The following FGF3 variants were observed in gnomAD, a reference collection of about 807,000 sequenced individuals.
FGF3 encodes FGF-3.
FGF3 carries 7 observed loss-of-function variants against 9.8 expected under a neutral mutation model. That is an observed-to-expected ratio of 0.72 (90% CI 0.41 to 1.35). The LOEUF (loss-of-function observed/expected upper bound fraction) is 1.35, where lower values mean the gene tolerates loss of function less well. Ranked by LOEUF, FGF3 falls within the 40% of genes most tolerant of loss-of-function variation. FGF3 has a pLI of 0.01. For synonymous variants in FGF3, 173 were observed against 157.2 expected (o/e 1.10, Z -0.75); for missense variants, 390 against 345.6 (o/e 1.13, Z -1.02).
At chr11:69,811,464 A>AGG (rs1856029851) in intron 2 of FGF3, among the ~76,000 whole-genome samples, 1 of 148,848 alleles carries the variant, frequency 6.7e-6, no homozygotes, top group African/African-American at 2.5e-5. Context: ...AAAAAAAAAA[A>AGG]AAAGAAAAGA....
In FGF3 at chr11:69,810,689, G is replaced by A. The variant is rs148729466; in HGVS notation, c.336C>T (p.Ser112=). 3.2e-6 allele frequency: 5 copies of A among 1,586,656 alleles called. No individual in the cohort carries two copies. The highest frequency in any genetic ancestry group is 2.7e-5 in the African/African-American group (2 of 74,562). Residue 112 remains serine (S), a synonymous_variant, in exon 3 of 3, where the codon AGC becomes AGT. Coordinates refer to ENST00000334134, the MANE Select transcript of FGF3 (RefSeq NM_005247.4). Reference sequence around the variant, plus strand: ...TCCGCTCCACAAACTCGCACTCGGCGCTGTAGTGCTCCTGCGGGGATGAGA... The same window carrying A: ...TCCGCTCCACAAACTCGCACTCGGCACTGTAGTGCTCCTGCGGGGATGAGA... The part of the protein sequence containing the change: ...RGRLYASEHY[S]AECEFVERIH...
intron 2 of FGF3, among the ~76,000 whole-genome samples, chr11:69,813,877 T>C (rs113971255): frequency 0.38 from 37,909 of 98,484 alleles, 7,899 homozygotes; most frequent in East Asian, 0.51. Context: ...GATAGGTGGA[T>C]GGATGGATGG....
Position 69,810,697 on chromosome 11 carries a change from G to T in FGF3, c.328C>A (p.His110Asn). The change falls in exon 3 of 3, where the codon CAC becomes AAC. Residue 110 changes from histidine to asparagine, a missense_variant. Transcript: ENST00000334134. Reference protein sequence around the residue: ...NKRGRLYASEHYSAECEFVER... With the variant: ...NKRGRLYASENYSAECEFVER... ...ACAAACTCGCACTCGGCGCTGTAGT[G>T]CTCCTGCGGGGATGAGATATCATGG... is the stretch of plus-strand genomic sequence containing the variant. 1.3e-6 allele frequency: 2 copies of T among 1,576,616 alleles called. No homozygotes were observed. Among genetic ancestry groups the T allele is most frequent in the Non-Finnish European group, 1.7e-6 (2 of 1,157,572 alleles).
At chr11:69,813,788 A>ATGGG (rs1856074009) in intron 2 of FGF3, among the ~76,000 whole-genome samples, 1 of 115,634 alleles carries the variant, frequency 8.6e-6, no homozygotes, top group Non-Finnish European at 1.9e-5. Context: ...GGATGGATGG[A>ATGGG]TGGATGGATG....
chr11:69,819,134 A>G lies in FGF3; in HGVS notation c.-201T>C. On this transcript the variant is annotated 5_prime_UTR_variant, in exon 1 of 3. Coordinates refer to ENST00000334134, the MANE Select transcript of FGF3 (RefSeq NM_005247.4). ...GAAAGAGAGGGAGAGTGGGAGAGGG[A>G]GAGGGAGAGAGGGAACGCGAGTCCC... 4.8e-6 allele frequency: 2 copies of G among 419,542 alleles called. No individual in the cohort carries two copies. The highest frequency in any genetic ancestry group is 8.4e-6 in the Non-Finnish European group (2 of 238,344). 26.0% of individuals were successfully genotyped at this position (419,542 alleles called of 1,614,324 possible). A position where few individuals can be genotyped will look rare whatever the true frequency, so the allele number is the denominator to read the frequency against.
intron 2 of FGF3, among the ~76,000 whole-genome samples, chr11:69,814,258 C>T (rs115500553): frequency 5.9e-5 from 9 of 151,790 alleles, no homozygotes; most frequent in African/African-American, 2.2e-4. Context: ...AGGGATGAGG[C>T]AGAGGGAGGT....
intron 2 of FGF3, 112 bp downstream of exon 2, chr11:69,816,208 C>T (rs2119929138): frequency 2.3e-6 from 2 of 864,212 alleles, no homozygotes; most frequent in Non-Finnish European, 3.9e-6. Flanking sequence ...AGCTTGGGTC[C>T]CGTGTACCCT....
chr11:69,811,690 C>T (rs1856033911), intron 2 of FGF3, among the ~76,000 whole-genome samples: 1 of 152,052 alleles, frequency 6.6e-6, no homozygotes, highest in Non-Finnish European at 1.5e-5. Context: ...GGGCTGGGGC[C>T]TGGCATGAGG....
intron 2 of FGF3, among the ~76,000 whole-genome samples, chr11:69,815,335 T>G (rs1429123568): frequency 2.0e-5 from 3 of 151,258 alleles, no homozygotes; most frequent in Admixed American, 6.6e-5. Flanking sequence ...GATGAGTGGA[T>G]GGGTGAATGG....
rs1392130875 is a variant in FGF3 at position 69,819,069 on chromosome 11, G to A, written c.-136C>T. ...GGAGATGCTGACTCCGGCTTCGCGG[G>A]AAAGGTGGGGGAAGAAGGGGGAAGG... On this transcript the variant is annotated 5_prime_UTR_variant, in exon 1 of 3. Transcript: ENST00000334134. 4.1e-6 allele frequency: 2 copies of A among 487,562 alleles called. No homozygotes were observed. Among genetic ancestry groups the A allele is most frequent in the African/African-American group, 2.0e-5 (1 of 48,898 alleles). The allele number at this position is 487,562 out of a possible 1,614,324, so 30.2% of individuals were successfully genotyped here. A position where few individuals can be genotyped will look rare whatever the true frequency, so the allele number is the denominator to read the frequency against.
rs537815393 is a variant in FGF3 at position 69,812,359 on chromosome 11, T to G, written c.325-1659A>C. Among the ~76,000 whole-genome samples the G allele has an allele frequency of 1.1e-4, 17 of 152,176 alleles. No individual in the cohort carries two copies. The South Asian group carries it at 3.5e-3, about 32-fold the overall frequency. ...CACCCCATCCTGTTTTTCAGCGACA[T>G]GAAAGCCCAGAGCAGGGAAGGGTGG... is the stretch of plus-strand genomic sequence containing the variant. On this transcript the variant is annotated intron_variant, in intron 2 of 2. Transcript: ENST00000334134.
rs1183007017 is a variant in FGF3, at chr11:69,816,034, GGGA to G, written c.324+283_324+285del. Among the ~76,000 whole-genome samples, 8 of 152,302 alleles carry G rather than the reference GGGA, an allele frequency of 5.3e-5. 1 individual carries two copies. Among genetic ancestry groups the G allele is most frequent in the Middle Eastern group, 3.4e-3 (1 of 292 alleles). On this transcript the variant is annotated intron_variant, in intron 2 of 2. Transcript: ENST00000334134. ...CTTCCCTGCTCTCAGCTACTCTCAA[GGGA>G]GGGTGGTAGTGATGACAAGGATGGG...
chr11:69,813,588 ATGGGTGGGTGGATGGATGGATGGATGGG>A (rs1856062349), intron 2 of FGF3, among the ~76,000 whole-genome samples: 3 of 72,790 alleles, frequency 4.1e-5, no homozygotes, highest in Admixed American at 1.1e-4. Flanking sequence ...GGATGGATAG[ATGGGTGGGTGGATGGATGGATGGATGGG>A]TGGATGGATG....
intron 2 of FGF3, among the ~76,000 whole-genome samples, chr11:69,812,816 TG>T (rs372675970): frequency 1.9e-4 from 29 of 151,990 alleles, no homozygotes; most frequent in African/African-American, 6.8e-4. Flanking sequence ...GCTTTCTCTT[TG>T]GGGGGCCACT....
intron 2 of FGF3, among the ~76,000 whole-genome samples, chr11:69,813,787 G>C (rs908832435): frequency 3.4e-5 from 5 of 148,014 alleles, no homozygotes; most frequent in Non-Finnish European, 4.5e-5. Context: ...TGGATGGATG[G>C]ATGGATGGAT....
rs999294224 is a variant in FGF3, at chr11:69,809,993, A to T, written c.*312T>A. The stretch of plus-strand genomic sequence containing the variant: ...TAGAATAAAATACTTTAATGTTGTG[A>T]TGACACAAAGCCCCACACTGCCCCG... On this transcript the variant is annotated 3_prime_UTR_variant, in exon 3 of 3. Transcript: ENST00000334134. The T allele has an allele frequency of 3.0e-5, 11 of 371,098 alleles. No individual in the cohort carries two copies. The South Asian group carries it at 1.0e-3, about 35-fold the overall frequency. The allele number at this position is 371,098 out of a possible 1,614,324, so 23.0% of individuals were successfully genotyped here. A position where few individuals can be genotyped will look rare whatever the true frequency, so the allele number is the denominator to read the frequency against.
chr11:69,810,429 G>C lies in FGF3; in HGVS notation c.596C>G (p.Pro199Arg). 1 of 1,587,472 alleles carries C rather than the reference G, an allele frequency of 6.3e-7. No individual in the cohort carries two copies. Reference protein sequence around the residue: ...EMVRQLQSGLPRPPGKGVQPR... With the variant: ...EMVRQLQSGLRRPPGKGVQPR... ...CTGGACCCCCTTACCAGGGGGTCTG[G>C]GCAGCCCACTCTGTAGCTGCCGCAC... Residue 199 changes from proline to arginine, a missense_variant, in exon 3 of 3, where the codon CCC becomes CGC. Pro to Arg is a moderately radical substitution (Grantham distance 103, BLOSUM62 -2). Coordinates refer to ENST00000334134, the MANE Select transcript of FGF3 (RefSeq NM_005247.4).
chr11:69,817,771 G>T (rs1554981249), intron 1 of FGF3, among the ~76,000 whole-genome samples: 1 of 152,114 alleles, frequency 6.6e-6, no homozygotes, highest in Non-Finnish European at 1.5e-5. Context: ...GACAGCTGTG[G>T]TCTTGACTGC....
chr11:69,815,925 C>T (rs1461692004), intron 2 of FGF3, among the ~76,000 whole-genome samples: 1 of 152,148 alleles, frequency 6.6e-6, no homozygotes, highest in African/African-American at 2.4e-5. Context: ...TCTCCATGCT[C>T]CCAGGAGAGC....
Sources: allele counts gnomAD v4.1 joint callset (sites outside exome capture counted in the v4.1 genomes callset), GRCh38; gene constraint gnomAD v4.1.1; transcripts MANE v1.5; gene names NCBI Gene and HGNC (gene_info 2026-07-23, HGNC 2026-07-21).